Variants in TEK observed in about 807,000 individuals in gnomAD.
The protein encoded by TEK is angiopoietin-1 receptor.
Under a neutral mutation model 131.8 loss-of-function variants are expected in TEK, and 43 were observed. The ratio of observed to expected loss-of-function variants is 0.33; its 90% confidence interval spans 0.26 to 0.42. The LOEUF (loss-of-function observed/expected upper bound fraction) is 0.42, where lower values mean the gene tolerates loss of function less well. TEK is among the 10% of genes least tolerant of loss of function. The pLI, the probability that TEK is intolerant of heterozygous loss-of-function variation, is 1.00. For missense variants in TEK, 1,162 were observed against 1,384.4 expected, an observed-to-expected ratio of 0.84 and a Z score of 2.55; for synonymous variants, 580 against 491.6, an observed-to-expected ratio of 1.18 and a Z score of -2.38.
At position 27,180,295 on chromosome 9, in the gene TEK, T is replaced by C. The variant is rs1564080063; in HGVS notation, c.957T>C (p.Asn319=). ...GTAAGCTTAGGTGCAGCTGCAACAA[T>C]GGGGAGATGTGTGATCGCTTCCAAG... ...PDCKLRCSCN[N]GEMCDRFQGC... is the part of the protein sequence containing the mutation. The change falls in exon 7 of 23, where the codon AAT becomes AAC. Residue 319 remains asparagine, a synonymous_variant. Transcript: ENST00000380036. 6.2e-7 allele frequency: 1 copy of C among 1,613,876 alleles called. No individual in the cohort carries two copies. The highest frequency in any genetic ancestry group is 1.7e-5 in the Admixed American group (1 of 59,994).
chr9:27,127,437 T>A (rs1287943319), intron 1 of TEK, among the ~76,000 whole-genome samples: 1 of 152,236 alleles, frequency 6.6e-6, no homozygotes, highest in Admixed American at 6.5e-5. Flanking sequence ...AATAAACGTG[T>A]GTGCATGAGT....
At chr9:27,204,427 T>A (rs1825330045) in intron 13 of TEK, among the ~76,000 whole-genome samples, 1 of 152,172 alleles carries the variant, frequency 6.6e-6, no homozygotes, top group Admixed American at 6.5e-5. Context: ...TATCATTAGG[T>A]TTTCTTCATT....
At chr9:27,139,857 A>G (rs1265714052) in intron 1 of TEK, among the ~76,000 whole-genome samples, 5 of 152,094 alleles carry the variant, frequency 3.3e-5, no homozygotes, top group African/African-American at 1.2e-4. Flanking sequence ...GTTGTATACT[A>G]GTTTGTCTGT....
At chr9:27,186,750 G>A (rs1010683467) in intron 9 of TEK, among the ~76,000 whole-genome samples, 12 of 152,062 alleles carry the variant, frequency 7.9e-5, no homozygotes, top group African/African-American at 1.7e-4. Context: ...GCCCCCTTTC[G>A]TTACTTCATT....
chr9:27,118,413 T>C (rs1168039803), intron 1 of TEK, among the ~76,000 whole-genome samples: 2 of 152,010 alleles, frequency 1.3e-5, no homozygotes, highest in African/African-American at 2.4e-5. Context: ...AGCAAGCAGA[T>C]TGCTTGAGCC....
chr9:27,214,453 G>A (rs991161866), intron 18 of TEK, among the ~76,000 whole-genome samples: 1 of 152,178 alleles, frequency 6.6e-6, no homozygotes, highest in African/African-American at 2.4e-5. Flanking sequence ...GTTGTCATAA[G>A]ATATAGACAA....
intron 1 of TEK, among the ~76,000 whole-genome samples, chr9:27,128,618 G>A (rs1275852075): frequency 6.6e-6 from 1 of 152,166 alleles, no homozygotes; most frequent in Non-Finnish European, 1.5e-5. Context: ...AGCATGGAAT[G>A]TTTTTCCATT....
At chr9:27,223,663 C>T (rs1287078140) in intron 21 of TEK, among the ~76,000 whole-genome samples, 1 of 152,086 alleles carries the variant, frequency 6.6e-6, no homozygotes, top group Non-Finnish European at 1.5e-5. Flanking sequence ...CAGGAGAAAG[C>T]AGGAAAGATC....
intron 2 of TEK, among the ~76,000 whole-genome samples, chr9:27,163,573 G>A (rs1243699753): frequency 6.6e-6 from 1 of 152,222 alleles, no homozygotes; most frequent in Non-Finnish European, 1.5e-5. Context: ...GTTCAAAGTG[G>A]CTGGAATTGA....
Position 27,229,163 on chromosome 9 carries a change from C to T in TEK, c.3306C>T (p.Tyr1102=), listed in dbSNP as rs151035628. The change falls in exon 23 of 23, where the codon TAC becomes TAT. Residue 1102 remains tyrosine, a synonymous_variant. Transcript: ENST00000380036. ...LNRMLEERKT[Y]VNTTLYEKFT... is the part of the protein sequence containing the mutation. ...AACCATTTTCATTCTTCCAGACCTA[C>T]GTGAATACCACGCTTTATGAGAAGT... The T allele has an allele frequency of 2.1e-4, 331 of 1,613,738 alleles. 1 individual carries two copies. The highest frequency in any genetic ancestry group is 2.6e-4 in the Non-Finnish European group (302 of 1,179,664).
chr9:27,179,552 T>C (rs1824287419), intron 6 of TEK, among the ~76,000 whole-genome samples: 1 of 152,234 alleles, frequency 6.6e-6, no homozygotes, highest in Admixed American at 6.5e-5. Context: ...TGGAATATGA[T>C]ACATTCCTTT....
At chr9:27,112,963 A>G (rs1735434537) in intron 1 of TEK, among the ~76,000 whole-genome samples, 1 of 152,240 alleles carries the variant, frequency 6.6e-6, no homozygotes, top group Non-Finnish European at 1.5e-5. Context: ...CTTGCTAAAA[A>G]GGTACTGCAT....
At chr9:27,146,236 T>C (rs1822914366) in intron 1 of TEK, among the ~76,000 whole-genome samples, 1 of 152,244 alleles carries the variant, frequency 6.6e-6, no homozygotes, top group Non-Finnish European at 1.5e-5. Flanking sequence ...TCTTTGCATA[T>C]TTTTACTGGT....
chr9:27,140,838 CTACTGTGGATTT>C (rs1425186780), intron 1 of TEK, among the ~76,000 whole-genome samples: 3 of 152,088 alleles, frequency 2.0e-5, no homozygotes, highest in Non-Finnish European at 4.4e-5. Context: ...TGTTATGCCT[CTACTGTGGATTT>C]TACTTTCTAG....
chr9:27,143,135 A>G (rs932063855), intron 1 of TEK, among the ~76,000 whole-genome samples: 6 of 152,208 alleles, frequency 3.9e-5, no homozygotes, highest in African/African-American at 1.4e-4. Context: ...CACAGGAAGC[A>G]TGGTGTTATC....
At chr9:27,168,281 A>G (rs1427407283) in intron 2 of TEK, among the ~76,000 whole-genome samples, 1 of 152,222 alleles carries the variant, frequency 6.6e-6, no homozygotes, top group East Asian at 1.9e-4. Flanking sequence ...TTACACTCTT[A>G]TAAAGGAAGT....
chr9:27,162,537 C>G (rs1455147961), intron 2 of TEK, among the ~76,000 whole-genome samples: 1 of 152,120 alleles, frequency 6.6e-6, no homozygotes, highest in African/African-American at 2.4e-5. Flanking sequence ...TATTTTATTC[C>G]TACTTTCATT....
chr9:27,209,455 C>T (rs1825521424), intron 16 of TEK, among the ~76,000 whole-genome samples: 1 of 152,214 alleles, frequency 6.6e-6, no homozygotes, highest in Admixed American at 6.5e-5. Context: ...TGATGTGGTT[C>T]AGCCATTACT....
At chr9:27,147,681 G>C (rs529867324) in intron 1 of TEK, among the ~76,000 whole-genome samples, 25 of 152,254 alleles carry the variant, frequency 1.6e-4, no homozygotes, top group African/African-American at 6.0e-4. Flanking sequence ...CCAGTGTCAT[G>C]AAGATTTTCT....
Sources: gnomAD v4.1 joint callset for allele counts (sites outside exome capture counted in the v4.1 genomes callset) on GRCh38, gnomAD v4.1.1 for gene constraint, MANE v1.5 for transcripts, NCBI Gene and HGNC (gene_info 2026-07-23, HGNC 2026-07-21) for gene names.